Variants in ZNF695 observed in about 807,000 individuals in gnomAD.
ZNF695 encodes the protein zinc finger protein 695.
ZNF695 carries 11 observed loss-of-function variants against 11.2 expected under a neutral mutation model. That is an observed-to-expected ratio of 0.98 (90% CI 0.62 to 1.62). ZNF695 has a LOEUF of 1.62. Ranked by LOEUF, ZNF695 falls within the 40% of genes most tolerant of loss-of-function variation. The pLI, the probability that ZNF695 is intolerant of heterozygous loss-of-function variation, is 0.00. For synonymous variants in ZNF695, 190 were observed against 201.4 expected (o/e 0.94, Z 0.48); for missense variants, 559 against 590.5 (o/e 0.95, Z 0.55).
At chr1:246,962,001 T>G (rs571107558) in intron 5 of ZNF695, among the ~76,000 whole-genome samples, 2 of 152,252 alleles carry the variant, frequency 1.3e-5, no homozygotes, top group Admixed American at 1.3e-4. Context: ...CGATCACTGC[T>G]GCCTGTATCT....
At chr1:246,979,908 C>G (rs1458062067) in intron 4 of ZNF695, 1 of 152,488 alleles carries the variant, frequency 6.6e-6, no homozygotes, top group African/African-American at 2.4e-5. Context: ...CAGTGGCTCA[C>G]GTCTGTAATC....
intron 5 of ZNF695, among the ~76,000 whole-genome samples, chr1:246,957,209 C>T (rs959092487): frequency 6.6e-6 from 1 of 151,930 alleles, no homozygotes; most frequent in African/African-American, 2.4e-5. Flanking sequence ...GGTGAAACCC[C>T]GTCTTTACTA....
Position 246,988,223 on chromosome 1 carries a change from G to A in ZNF695, c.292C>T (p.Pro98Ser). ...AATGAAACTTGCAGGCCCTGCTCTG[G>A]CAAAATGTCTTCAGTAAGATAAGAA... ...LSSYLTEDIL[P>S]EQGLQVSFQK... Residue 98 changes from proline to serine, a missense_variant, in exon 4 of 4, where the codon CCA (proline) becomes TCA (serine). By Grantham distance (74) the Pro-to-Ser change is moderately conservative (BLOSUM62 -1). Coordinates refer to ENST00000339986, the MANE Select transcript of ZNF695 (RefSeq NM_020394.5). The A allele has an allele frequency of 6.3e-7, 1 of 1,577,170 alleles. No individual in the cohort carries two copies. The highest frequency in any genetic ancestry group is 2.0e-5 in the Admixed American group (1 of 50,828).
At chr1:246,945,933 T>TTCC (rs1284113569) in intron 5 of ZNF695, 39 of 1,387,626 alleles carry the variant, frequency 2.8e-5, no homozygotes, top group Non-Finnish European at 3.9e-5. Context: ...CTTGGTTCCA[T>TTCC]TGGAGAAGTC....
At chr1:246,996,018 T>C (rs1241637603) in intron 3 of ZNF695, 2 of 453,970 alleles carry the variant, frequency 4.4e-6, no homozygotes, top group Non-Finnish European at 8.9e-6. Context: ...AACCCAAACT[T>C]ACCTCACCAA....
Position 246,986,088 on chromosome 1 carries a change from G to A in ZNF695, c.*879C>T, listed in dbSNP as rs779284042. 179 of 962,834 alleles carry A rather than the reference G, an allele frequency of 1.9e-4. No individual in the cohort carries two copies. Among genetic ancestry groups the A allele is most frequent in the Non-Finnish European group, 2.2e-4 (175 of 809,540 alleles). The allele number at this position is 962,834 out of a possible 1,614,324, so 59.6% of individuals were successfully genotyped here. The stretch of plus-strand genomic sequence containing the variant: ...TTATTATGTTGTTATTATTATTATT[G>A]AGAAAGGGTCTTGCTCTGTTGCCCA... On this transcript the variant is annotated 3_prime_UTR_variant, in exon 4 of 4. Transcript: ENST00000339986.
chr1:246,962,260 G>A (rs1489837292), intron 5 of ZNF695, among the ~76,000 whole-genome samples: 5 of 152,332 alleles, frequency 3.3e-5, no homozygotes, highest in African/African-American at 1.2e-4. Flanking sequence ...AATGGCTTGG[G>A]CTTTGTGCCC....
At chr1:246,998,977 A>AATATATATATAT (rs6143721) in intron 3 of ZNF695, among the ~76,000 whole-genome samples, 29 of 144,334 alleles carry the variant, frequency 2.0e-4, no homozygotes, top group African/African-American at 4.9e-4. Flanking sequence ...CAAGAAAACA[A>AATATATATATAT]ATATATATAT....
rs559169065 is a variant in ZNF695, at chr1:246,976,646, T to G, written c.391-8854A>C. Among the ~76,000 whole-genome samples, 6 of 151,546 alleles carry G rather than the reference T, an allele frequency of 4.0e-5. No individual in the cohort carries two copies. The East Asian group carries it at 5.8e-4, about 15-fold the overall frequency. Reference sequence around the variant, plus strand: ...CGTCTCTACTAAAAATACAAAAAATTAGCCAGGCATGGTGGCGGGCACCTG... The same window carrying G: ...CGTCTCTACTAAAAATACAAAAAATGAGCCAGGCATGGTGGCGGGCACCTG... On this transcript the variant is annotated intron_variant, in intron 4 of 5. Coordinates refer to the ZNF695 transcript ENST00000487338.
At chr1:246,999,835 C>A in intron 2 of ZNF695, 77 bp downstream of exon 2, 1 of 1,421,928 alleles carries the variant, frequency 7.0e-7, no homozygotes, top group South Asian at 1.2e-5. Flanking sequence ...TTCTTGAAAG[C>A]AGTGATGTGA....
Position 246,987,940 on chromosome 1 carries a change from A to G in ZNF695, c.575T>C (p.Val192Ala). The part of the protein sequence containing the change: ...KPFKCKECGN[V>A]SCMSLIMTQQ... ...AGTCATTATTAAAGACATGCAAGAG[A>G]CATTGCCACATTCTTTGCATTTGAA... Residue 192 changes from valine (V) to alanine (A), a missense_variant, in exon 4 of 4, where the codon GTC becomes GCC. Coordinates refer to ENST00000339986, the MANE Select transcript of ZNF695 (RefSeq NM_020394.5). 6.2e-7 allele frequency: 1 copy of G among 1,611,602 alleles called. No homozygotes were observed. Among genetic ancestry groups the G allele is most frequent in the Non-Finnish European group, 8.5e-7 (1 of 1,179,162 alleles).
At chr1:246,954,600 G>T (rs1186655133) in intron 5 of ZNF695, among the ~76,000 whole-genome samples, 1 of 152,256 alleles carries the variant, frequency 6.6e-6, no homozygotes, top group Non-Finnish European at 1.5e-5. Flanking sequence ...TTGGAATCAG[G>T]CTTCTATATA....
At chr1:246,972,967 C>T (rs548719566) in intron 4 of ZNF695, among the ~76,000 whole-genome samples, 373 of 148,600 alleles carry the variant, frequency 2.5e-3, no homozygotes, top group Non-Finnish European at 4.6e-3. Flanking sequence ...TAAATTCTTA[C>T]ATATTTCTGA....
In ZNF695 at chr1:246,955,627, A is replaced by G. The variant is rs575827399; in HGVS notation, c.489-9800T>C. ...AACTAATTAATTTTAATCTAAATCCATTTTCTTTTGTACAAAGGAGGCTTT... is the reference window on the plus strand; with the variant it reads ...AACTAATTAATTTTAATCTAAATCCGTTTTCTTTTGTACAAAGGAGGCTTT... On this transcript the variant is annotated intron_variant, in intron 5 of 5. Coordinates refer to the ZNF695 transcript ENST00000487338. 2.6e-5 allele frequency among the ~76,000 whole-genome samples: 4 copies of G among 152,208 alleles called. No individual in the cohort carries two copies. In the East Asian group the frequency reaches 5.8e-4, roughly 22 times the overall value.
At chr1:247,001,916 C>T (rs1263353622) in intron 1 of ZNF695, among the ~76,000 whole-genome samples, 1 of 152,086 alleles carries the variant, frequency 6.6e-6, no homozygotes, top group Non-Finnish European at 1.5e-5. Flanking sequence ...TAACATTCCA[C>T]TGACAGTATT....
At chr1:246,971,127 G>C (rs559701791) in intron 4 of ZNF695, among the ~76,000 whole-genome samples, 1 of 152,196 alleles carries the variant, frequency 6.6e-6, no homozygotes, top group African/African-American at 2.4e-5. Context: ...GCAGGGTAAG[G>C]AGTGTGAGCC....
chr1:246,958,357 C>T (rs1162566839), intron 5 of ZNF695, among the ~76,000 whole-genome samples: 1 of 152,080 alleles, frequency 6.6e-6, no homozygotes, highest in African/African-American at 2.4e-5. Context: ...TGCACCCAGC[C>T]GGGACTTGTC....
At chr1:246,973,124 A>G (rs1668471808) in intron 4 of ZNF695, among the ~76,000 whole-genome samples, 1 of 151,628 alleles carries the variant, frequency 6.6e-6, no homozygotes, top group East Asian at 2.0e-4. Flanking sequence ...ATCTCGGCTC[A>G]ACGCAACCTC....
chr1:246,988,765 G>C (rs537906097), intron 3 of ZNF695, among the ~76,000 whole-genome samples: 2 of 152,250 alleles, frequency 1.3e-5, no homozygotes, highest in South Asian at 4.2e-4. Context: ...AGTTCAGCCT[G>C]ACCAACATAG....
Sources: allele counts gnomAD v4.1 joint callset (sites outside exome capture counted in the v4.1 genomes callset), GRCh38; gene constraint gnomAD v4.1.1; transcripts MANE v1.5; gene names NCBI Gene and HGNC (gene_info 2026-07-23, HGNC 2026-07-21).